Variants in PRKCA observed in about 807,000 individuals in gnomAD.
The protein encoded by PRKCA is protein kinase C alpha.
PRKCA carries 27 observed loss-of-function variants against 87.0 expected under a neutral mutation model. The ratio of observed to expected loss-of-function variants is 0.31; its 90% CI spans 0.23 to 0.43. The LOEUF is 0.43. PRKCA is among the 20% of genes least tolerant of loss of function. The pLI, the probability that PRKCA is intolerant of heterozygous loss-of-function variation, is 1.00. For synonymous variants in PRKCA, 329 were observed against 311.1 expected, an observed-to-expected ratio of 1.06 and a Z score of -0.61; for missense variants, 518 against 852.3, an observed-to-expected ratio of 0.61 and a Z score of 4.88.
At chr17:66,742,573 C>G (rs1425203164) in intron 12 of PRKCA, 49 bp from the exon 13 acceptor site, 2 of 1,596,514 alleles carry the variant, frequency 1.3e-6, no homozygotes, top group Non-Finnish European at 1.7e-6. Context: ...CCAAAGCAAA[C>G]CATGTTATGT....
chr17:66,788,869 G>A lies in PRKCA; in HGVS notation c.1744G>A (p.Gly582Ser). 6.2e-7 allele frequency: 1 copy of A among 1,613,988 alleles called. No individual in the cohort carries two copies. The highest frequency in any genetic ancestry group is 1.1e-5 in the South Asian group (1 of 91,060). Residue 582 changes from glycine to serine, a missense_variant, in exon 16 of 17, where the codon GGC (glycine) becomes AGC (serine). Coordinates refer to ENST00000413366, the MANE Select transcript of PRKCA (RefSeq NM_002737.3). ...GACCAAACACCCAGCCAAGCGGCTGGGCTGTGGGCCTGAGGGGGAGAGGGA... is the reference window on the plus strand; with the variant it reads ...GACCAAACACCCAGCCAAGCGGCTGAGCTGTGGGCCTGAGGGGGAGAGGGA... The part of the protein sequence containing the change: ...LMTKHPAKRL[G>S]CGPEGERDVR...
intron 2 of PRKCA, 51 bp from the exon 3 acceptor site, chr17:66,496,150 C>T (rs371292723): frequency 4.3e-6 from 6 of 1,400,470 alleles, no homozygotes; most frequent in East Asian, 2.3e-5. Flanking sequence ...AAATAAAGCT[C>T]GTATGTTAAA....
At chr17:66,575,849 C>G (rs974643967) in intron 3 of PRKCA, among the ~76,000 whole-genome samples, 2 of 152,126 alleles carry the variant, frequency 1.3e-5, no homozygotes, top group Non-Finnish European at 2.9e-5. Flanking sequence ...GGGCACGTGG[C>G]TCATGCCTGT....
chr17:66,658,431 G>A (rs146816747), intron 5 of PRKCA, among the ~76,000 whole-genome samples: 21,525 of 152,112 alleles, frequency 0.14, 1,900 homozygotes, highest in East Asian at 0.3. Context: ...AGGTTGCAGT[G>A]AGCTGAGATG....
chr17:66,578,962 C>T (rs746606054), intron 3 of PRKCA, among the ~76,000 whole-genome samples: 1 of 152,248 alleles, frequency 6.6e-6, no homozygotes, highest in Non-Finnish European at 1.5e-5. Flanking sequence ...CTGGCCCCAC[C>T]GTTGCTTCTC....
chr17:66,452,571 G>A (rs989186113), intron 2 of PRKCA, among the ~76,000 whole-genome samples: 1 of 152,160 alleles, frequency 6.6e-6, no homozygotes, highest in Admixed American at 6.5e-5. Context: ...GAACTGGCCC[G>A]GCTTGTTCCT....
intron 2 of PRKCA, among the ~76,000 whole-genome samples, chr17:66,350,917 C>T (rs1334807539): frequency 6.6e-6 from 1 of 152,208 alleles, no homozygotes; most frequent in African/African-American, 2.4e-5. Context: ...TGGTTTCCTC[C>T]CTCCCTTTCA....
intron 3 of PRKCA, among the ~76,000 whole-genome samples, chr17:66,533,487 A>C (rs1967641617): frequency 6.6e-6 from 1 of 152,240 alleles, no homozygotes; most frequent in Non-Finnish European, 1.5e-5. Flanking sequence ...GTCGCACCCA[A>C]GGCTGCTAGC....
chr17:66,452,472 A>G (rs1479750612), intron 2 of PRKCA, among the ~76,000 whole-genome samples: 1 of 152,184 alleles, frequency 6.6e-6, no homozygotes, highest in East Asian at 1.9e-4. Flanking sequence ...GAGAATAAGG[A>G]TCTGCCGAAA....
intron 5 of PRKCA, among the ~76,000 whole-genome samples, chr17:66,650,068 T>G (rs2056919611): frequency 6.6e-6 from 1 of 152,222 alleles, no homozygotes; most frequent in Non-Finnish European, 1.5e-5. Flanking sequence ...GCGAGTGATT[T>G]CTCAGAAAAT....
chr17:66,386,032 TTA>T (rs1910043017), intron 2 of PRKCA, among the ~76,000 whole-genome samples: 1 of 152,206 alleles, frequency 6.6e-6, no homozygotes, highest in Non-Finnish European at 1.5e-5. Flanking sequence ...AGTGCTGGGA[TTA>T]CAGGTGAGAG....
At position 66,444,640 on chromosome 17, in the gene PRKCA, G is replaced by A. The variant is rs572528704; in HGVS notation, c.206-51561G>A. Reference sequence around the variant, plus strand: ...TTGAGTTAGGGTGGGGGTGTCACAAGGCTTATCTTTGAGGCTGAGGTTCAG... The same window carrying A: ...TTGAGTTAGGGTGGGGGTGTCACAAAGCTTATCTTTGAGGCTGAGGTTCAG... On this transcript the variant is annotated intron_variant, in intron 2 of 16. Transcript: ENST00000413366. Among the ~76,000 whole-genome samples, 5 of 152,242 alleles carry A rather than the reference G, an allele frequency of 3.3e-5. No homozygotes were observed. The South Asian group carries it at 1.0e-3, about 32-fold the overall frequency.
rs867364421 is a variant in PRKCA, at chr17:66,798,444, T to C, written c.1855-5429T>C. Among the ~76,000 whole-genome samples the C allele has an allele frequency of 2.2e-3, 187 of 86,656 alleles. 6 individuals are homozygous for C. Among genetic ancestry groups the C allele is most frequent in the East Asian group, 0.01 (27 of 2,654 alleles). 56.8% of individuals were successfully genotyped at this position (86,656 alleles called of 152,430 possible). On this transcript the variant is annotated intron_variant, in intron 16 of 16. Coordinates refer to ENST00000413366, the MANE Select transcript of PRKCA (RefSeq NM_002737.3). ...GTGGTGGTGGTGGTGACGGTGGTGG[T>C]GGTGGTGACGGTGGTGGTGGTGGTG...
intron 3 of PRKCA, among the ~76,000 whole-genome samples, chr17:66,577,884 G>A (rs932707249): frequency 6.6e-6 from 1 of 151,950 alleles, no homozygotes. Flanking sequence ...CCCAGATGCT[G>A]CATAAGTCAT....
intron 3 of PRKCA, among the ~76,000 whole-genome samples, chr17:66,555,823 G>A (rs1295232535): frequency 6.6e-6 from 1 of 152,026 alleles, no homozygotes; most frequent in Non-Finnish European, 1.5e-5. Context: ...TTAGGTGAAG[G>A]GTTTCCCTTC....
At chr17:66,314,093 G>A (rs1022383530) in intron 2 of PRKCA, among the ~76,000 whole-genome samples, 3 of 152,194 alleles carry the variant, frequency 2.0e-5, no homozygotes, top group Admixed American at 6.5e-5. Context: ...GGTGGGGCGT[G>A]TCATGGGTTC....
At chr17:66,507,779 T>C (rs951312337) in intron 3 of PRKCA, among the ~76,000 whole-genome samples, 1 of 152,230 alleles carries the variant, frequency 6.6e-6, no homozygotes, top group African/African-American at 2.4e-5. Flanking sequence ...GGCTTATTCC[T>C]GGATTCTGAT....
At chr17:66,747,298 T>G (rs1245459161) in intron 13 of PRKCA, among the ~76,000 whole-genome samples, 1 of 152,234 alleles carries the variant, frequency 6.6e-6, no homozygotes, top group Non-Finnish European at 1.5e-5. Flanking sequence ...CTCAATTTCC[T>G]GGGCTCAGGC....
At chr17:66,701,471 A>T (rs1480500429) in intron 8 of PRKCA, among the ~76,000 whole-genome samples, 1 of 152,206 alleles carries the variant, frequency 6.6e-6, no homozygotes, top group East Asian at 1.9e-4. Context: ...CAAACTAAAA[A>T]GTTTCTGCAC....
Sources: allele counts gnomAD v4.1 joint callset (sites outside exome capture counted in the v4.1 genomes callset), GRCh38; gene constraint gnomAD v4.1.1; transcripts MANE v1.5; gene names NCBI Gene and HGNC (gene_info 2026-07-23, HGNC 2026-07-21).